Variants in CTNNA3 observed in about 807,000 individuals in gnomAD.
CTNNA3 encodes catenin alpha 3.
A neutral mutation model predicts 95.7 loss-of-function variants in CTNNA3; 76 were observed. The observed-to-expected ratio is 0.79, with a 90% CI of 0.66 to 0.96. CTNNA3 has a LOEUF of 0.96. Ranked by LOEUF, CTNNA3 falls within the 40% of genes least tolerant of loss-of-function variation. CTNNA3 has a pLI of 0.00. For missense variants in CTNNA3, 1,191 were observed against 1,089.8 expected (o/e 1.09, Z -1.31); for synonymous variants, 431 against 374.4 (o/e 1.15, Z -1.74).
chr10:67,200,234 T>G (rs1458709083), intron 6 of CTNNA3, among the ~76,000 whole-genome samples: 1 of 152,204 alleles, frequency 6.6e-6, no homozygotes, highest in Non-Finnish European at 1.5e-5. Flanking sequence ...CTTGTGACCT[T>G]GCCTGCTATT....
At chr10:66,608,576 C>T (rs796886438) in intron 10 of CTNNA3, among the ~76,000 whole-genome samples, 7 of 151,262 alleles carry the variant, frequency 4.6e-5, no homozygotes, top group African/African-American at 1.7e-4. Flanking sequence ...AAAAACAGCA[C>T]ACCAAAATAA....
intron 7 of CTNNA3, among the ~76,000 whole-genome samples, chr10:66,821,315 T>C (rs548897230): frequency 2.6e-5 from 4 of 152,268 alleles, no homozygotes; most frequent in African/African-American, 9.6e-5. Context: ...TTTCCAAATG[T>C]ATAATGCTTT....
rs778865877 is a variant in CTNNA3, at chr10:66,465,935, A to G, written c.1531+54682T>C. ...AATGGAGATAGTACAATGAGACAAC[A>G]TATCTACATGTCCTTTGTGATGGTT... On this transcript the variant is annotated intron_variant, in intron 11 of 17. Coordinates refer to ENST00000433211, the MANE Select transcript of CTNNA3 (RefSeq NM_013266.4). Among the ~76,000 whole-genome samples the G allele has an allele frequency of 9.2e-5, 14 of 152,138 alleles. No individual in the cohort carries two copies. In the South Asian group the frequency reaches 1.0e-3, roughly 11 times the overall value.
intron 13 of CTNNA3, among the ~76,000 whole-genome samples, chr10:66,235,459 A>G (rs2132022804): frequency 6.6e-6 from 1 of 151,628 alleles, no homozygotes; most frequent in East Asian, 1.9e-4. Flanking sequence ...GATATATAAA[A>G]TAAATTGACA....
At chr10:66,091,052 G>A (rs906076831) in intron 14 of CTNNA3, among the ~76,000 whole-genome samples, 3 of 151,822 alleles carry the variant, frequency 2.0e-5, no homozygotes, top group African/African-American at 4.8e-5. Context: ...TCTTTAGTAG[G>A]AAAAGATGTA....
At chr10:67,608,355 A>G (rs1335112708) in intron 2 of CTNNA3, among the ~76,000 whole-genome samples, 1 of 152,142 alleles carries the variant, frequency 6.6e-6, no homozygotes, top group Non-Finnish European at 1.5e-5. Flanking sequence ...AGTGGTATAA[A>G]TTTTATTTTA....
intron 15 of CTNNA3, among the ~76,000 whole-genome samples, chr10:66,007,411 G>C (rs577896625): frequency 1.3e-5 from 2 of 151,982 alleles, no homozygotes; most frequent in Admixed American, 1.3e-4. Context: ...CCCTTCATGA[G>C]GCCTAACATC....
chr10:67,412,806 G>T (rs1478329901), intron 5 of CTNNA3, among the ~76,000 whole-genome samples: 1 of 152,116 alleles, frequency 6.6e-6, no homozygotes, highest in Admixed American at 6.6e-5. Context: ...ACAAGCAAAT[G>T]CTGAGGGAAT....
intron 17 of CTNNA3, among the ~76,000 whole-genome samples, chr10:65,948,970 C>G (rs532760972): frequency 1.3e-5 from 2 of 152,162 alleles, no homozygotes; most frequent in South Asian, 2.1e-4. Flanking sequence ...TTTGAAAATT[C>G]TTTAGAGCTT....
intron 3 of CTNNA3, among the ~76,000 whole-genome samples, chr10:67,560,737 A>C (rs1031151548): frequency 6.6e-6 from 1 of 152,204 alleles, no homozygotes; most frequent in African/African-American, 2.4e-5. Flanking sequence ...TGTATTCAGG[A>C]AACCCATCTC....
At chr10:67,566,748 A>G (rs976077613) in intron 3 of CTNNA3, among the ~76,000 whole-genome samples, 1 of 152,148 alleles carries the variant, frequency 6.6e-6, no homozygotes, top group Non-Finnish European at 1.5e-5. Flanking sequence ...ACTCTTCACA[A>G]GAGCAAAGAC....
chr10:67,374,507 G>A (rs1157927255), intron 5 of CTNNA3, among the ~76,000 whole-genome samples: 1 of 152,044 alleles, frequency 6.6e-6, no homozygotes, highest in Non-Finnish European at 1.5e-5. Flanking sequence ...TTATTCATCC[G>A]ATCTTATTCA....
At chr10:66,597,454 A>T (rs1843746885) in intron 10 of CTNNA3, among the ~76,000 whole-genome samples, 1 of 143,832 alleles carries the variant, frequency 7.0e-6, no homozygotes, top group East Asian at 2.0e-4. Context: ...AGGCAGGAGG[A>T]TCACTTGAGC....
At chr10:66,258,603 G>T (rs12412285) in intron 13 of CTNNA3, among the ~76,000 whole-genome samples, 23,976 of 151,786 alleles carry the variant, frequency 0.16, 2,033 homozygotes, top group Admixed American at 0.24. Flanking sequence ...CTTTTTTTAC[G>T]TACACAAATG....
chr10:66,241,854 A>G (rs1320015751), intron 13 of CTNNA3, among the ~76,000 whole-genome samples: 1 of 150,510 alleles, frequency 6.6e-6, no homozygotes, highest in African/African-American at 2.4e-5. Context: ...GGAATACTAA[A>G]AATCTAATAT....
chr10:66,617,674 C>T (rs1844572877), intron 10 of CTNNA3, among the ~76,000 whole-genome samples: 1 of 152,098 alleles, frequency 6.6e-6, no homozygotes, highest in South Asian at 2.1e-4. Flanking sequence ...CCTCTCTCAC[C>T]ACTCCTATTC....
At chr10:66,861,255 T>C (rs1564729943) in intron 7 of CTNNA3, among the ~76,000 whole-genome samples, 1 of 152,170 alleles carries the variant, frequency 6.6e-6, no homozygotes, top group Non-Finnish European at 1.5e-5. Context: ...TTGGTCAACA[T>C]TGTTTTGTTA....
At position 65,939,665 on chromosome 10, in the gene CTNNA3, G is replaced by A. The variant is rs537834397; in HGVS notation, c.2401-19048C>T. ...TATAACCTATCACTAGCCTCTCTTT[G>A]GTAACTCTTCTAAACTCTCAATGAG... On this transcript the variant is annotated intron_variant, in intron 17 of 17. Coordinates refer to ENST00000433211, the MANE Select transcript of CTNNA3 (RefSeq NM_013266.4). 2.0e-5 allele frequency among the ~76,000 whole-genome samples: 3 copies of A among 151,982 alleles called. No homozygotes were observed. The East Asian group carries it at 5.8e-4, about 29-fold the overall frequency.
At chr10:67,624,767 A>G (rs1843971109) in intron 2 of CTNNA3, among the ~76,000 whole-genome samples, 1 of 152,192 alleles carries the variant, frequency 6.6e-6, no homozygotes, top group Non-Finnish European at 1.5e-5. Flanking sequence ...TCAGACTCCC[A>G]GTCTCTCTCT....
Sources: gnomAD v4.1 joint callset for allele counts (sites outside exome capture counted in the v4.1 genomes callset) on GRCh38, gnomAD v4.1.1 for gene constraint, MANE v1.5 for transcripts, NCBI Gene and HGNC (gene_info 2026-07-23, HGNC 2026-07-21) for gene names.